Variants in DIAPH2 observed in about 807,000 individuals in gnomAD.
The protein encoded by DIAPH2 is diaphanous related formin 2.
In DIAPH2, 35 loss-of-function variants were observed where a neutral mutation model predicts 92.7. That is an observed-to-expected ratio of 0.38 (90% CI 0.29 to 0.50). The LOEUF (loss-of-function observed/expected upper bound fraction) is 0.50, where lower values mean the gene tolerates loss of function less well. Ranked by LOEUF, DIAPH2 falls within the 20% of genes least tolerant of loss-of-function variation. The probability of loss-of-function intolerance (pLI) is 0.94; values close to 1 mark genes in which losing one functional copy is unlikely to be tolerated. For synonymous variants in DIAPH2, 301 were observed against 280.4 expected (o/e 1.07, Z -0.73); for missense variants, 701 against 819.5 (o/e 0.86, Z 1.77).
chrX:97,348,582 G>C (rs1042344632), intron 24 of DIAPH2, among the ~76,000 whole-genome samples: 2 of 111,775 alleles, frequency 1.8e-5, no homozygotes, highest in Admixed American at 9.6e-5. Flanking sequence ...TTTTTATATA[G>C]CATAATATTA....
intron 17 of DIAPH2, 84 bp downstream of exon 17, chrX:96,965,291 A>G (rs903411475): frequency 6.5e-6 from 4 of 620,081 alleles, no homozygotes; most frequent in Non-Finnish European, 9.1e-6. Flanking sequence ...AGTAATGGGT[A>G]TATGTATACT....
chrX:96,726,760 G>A (rs1284963124), intron 1 of DIAPH2, among the ~76,000 whole-genome samples: 1 of 112,231 alleles, frequency 8.9e-6, no homozygotes, highest in African/African-American at 3.2e-5. Context: ...CTTAATGACT[G>A]TAAACCTTGA....
chrX:97,408,017 A>G (rs1279548291), intron 25 of DIAPH2, among the ~76,000 whole-genome samples: 3 of 111,851 alleles, frequency 2.7e-5, no homozygotes, highest in Non-Finnish European at 3.8e-5. Context: ...GAACCACATG[A>G]TGTTCAGAAA....
rs1177857093 is a variant in DIAPH2, at chrX:97,185,369, GTA to G, written c.2719+43585_2719+43586del. Among the ~76,000 whole-genome samples, 23 of 30,333 alleles carry G rather than the reference GTA, an allele frequency of 7.6e-4. 2 individuals are homozygous for G. Among genetic ancestry groups the G allele is most frequent in the Middle Eastern group, 0.02 (1 of 50 alleles). 26.3% of individuals were successfully genotyped at this position (30,333 alleles called of 115,157 possible). ...TATATATATGTGTGTATATATATAT[GTA>G]TATATATATGTATATATATATGTGT... is the stretch of plus-strand genomic sequence containing the variant. On this transcript the variant is annotated intron_variant, in intron 22 of 26. Transcript: ENST00000324765.
intron 17 of DIAPH2, among the ~76,000 whole-genome samples, chrX:97,008,415 T>C (rs1384531907): frequency 9.0e-6 from 1 of 111,481 alleles, no homozygotes; most frequent in African/African-American, 3.3e-5. Flanking sequence ...CCAGGTTTGG[T>C]CCCCGATGCC....
intron 17 of DIAPH2, among the ~76,000 whole-genome samples, chrX:97,046,070 C>T (rs1400411051): frequency 2.8e-5 from 3 of 107,411 alleles, no homozygotes; most frequent in African/African-American, 6.8e-5. Context: ...GTTAGCCAAG[C>T]GGTCTCGAAC....
At chrX:96,844,796 G>A (rs1018141338) in intron 4 of DIAPH2, among the ~76,000 whole-genome samples, 1 of 111,389 alleles carries the variant, frequency 9.0e-6, no homozygotes, top group Non-Finnish European at 1.9e-5. Flanking sequence ...GTTATTTCAC[G>A]TCAATACACT....
At chrX:96,729,763 A>G (rs904915993) in intron 1 of DIAPH2, among the ~76,000 whole-genome samples, 1 of 112,290 alleles carries the variant, frequency 8.9e-6, no homozygotes, top group Non-Finnish European at 1.9e-5. Context: ...GGTGGAATGA[A>G]TTTTGATTTG....
chrX:96,918,952 G>A (rs1295110761), intron 9 of DIAPH2, among the ~76,000 whole-genome samples: 1 of 111,754 alleles, frequency 8.9e-6, no homozygotes, highest in Non-Finnish European at 1.9e-5. Context: ...AGTGAAGTCG[G>A]TGGGCTTGTA....
chrX:97,159,519 C>G (rs942766508), intron 22 of DIAPH2, among the ~76,000 whole-genome samples: 1 of 111,527 alleles, frequency 9.0e-6, no homozygotes, highest in Admixed American at 9.6e-5. Context: ...TGAGCGATGG[C>G]TTGTAAAAGG....
At chrX:97,540,771 T>C (rs1395312393) in intron 26 of DIAPH2, among the ~76,000 whole-genome samples, 3 of 112,111 alleles carry the variant, frequency 2.7e-5, no homozygotes, top group African/African-American at 9.7e-5. Flanking sequence ...CAAATAATAA[T>C]GAGCTATAAA....
chrX:96,945,598 T>A lies in DIAPH2; in HGVS notation c.1509+7T>A. ...TGCAGAGTTTTCAAAGAAGGTAAGCTTATAAAATATTAGCCATAATCGTTA... is the reference window on the plus strand; with the variant it reads ...TGCAGAGTTTTCAAAGAAGGTAAGCATATAAAATATTAGCCATAATCGTTA... On this transcript the variant is annotated splice_region_variant and intron_variant, in intron 14 of 26. Transcript: ENST00000324765. The A allele has an allele frequency of 9.0e-7, 1 of 1,113,710 alleles. No homozygotes were observed. Among genetic ancestry groups the A allele is most frequent in the Non-Finnish European group, 1.2e-6 (1 of 841,553 alleles). 91.8% of individuals were successfully genotyped at this position (1,113,710 alleles called of 1,213,427 possible).
rs1362273924 is a variant in DIAPH2 at position 97,072,942 on chromosome X, T to A, written c.2052T>A (p.Val684=). 2 of 1,183,260 alleles carry A rather than the reference T, an allele frequency of 1.7e-6. No individual in the cohort carries two copies. Among genetic ancestry groups the A allele is most frequent in the Non-Finnish European group, 1.1e-6 (1 of 881,465 alleles). ...LALNFATQIK[V]QKNAEALEEK... ...ATGAATCAACATTTTTTCTTTCAGTTCAAAAGAACGCAGAAGCATTAGAAG... is the reference window on the plus strand; with the variant it reads ...ATGAATCAACATTTTTTCTTTCAGTACAAAAGAACGCAGAAGCATTAGAAG... Residue 684 remains valine (V), a splice_region_variant and synonymous_variant, in exon 18 of 27, where the codon GTT becomes GTA. Coordinates refer to ENST00000324765, the MANE Select transcript of DIAPH2 (RefSeq NM_006729.5).
chrX:96,871,851 C>T (rs143980118), intron 4 of DIAPH2, among the ~76,000 whole-genome samples: 1 of 111,962 alleles, frequency 8.9e-6, no homozygotes, highest in Non-Finnish European at 1.9e-5. Context: ...TGTTCTTTAA[C>T]GGGTGAGTGG....
intron 21 of DIAPH2, among the ~76,000 whole-genome samples, chrX:97,129,112 T>TTTTCTTTTCTTTTC (rs1555988060): frequency 5.2e-5 from 4 of 76,911 alleles, no homozygotes; most frequent in Non-Finnish European, 7.0e-5. Context: ...TTTTCTTTTC[T>TTTTCTTTTCTTTTC]TTTCTTTTCT....
At chrX:96,880,475 T>C (rs1401896019) in intron 4 of DIAPH2, among the ~76,000 whole-genome samples, 1 of 111,804 alleles carries the variant, frequency 8.9e-6, no homozygotes. Context: ...TGTGAAATCA[T>C]AGGGAACTCA....
intron 4 of DIAPH2, among the ~76,000 whole-genome samples, chrX:96,840,116 A>C (rs2064925651): frequency 8.9e-6 from 1 of 112,175 alleles, no homozygotes; most frequent in Non-Finnish European, 1.9e-5. Context: ...CTTTTTATTA[A>C]CTCTCCATAA....
intron 8 of DIAPH2, among the ~76,000 whole-genome samples, chrX:96,917,710 A>G (rs1018270483): frequency 1.5e-4 from 17 of 111,238 alleles, no homozygotes; most frequent in African/African-American, 5.5e-4. Context: ...GGTCAGGTTA[A>G]TAAGTTTCTT....
chrX:97,548,220 C>T (rs1313280334), intron 26 of DIAPH2, among the ~76,000 whole-genome samples: 2 of 112,182 alleles, frequency 1.8e-5, no homozygotes, highest in African/African-American at 6.5e-5. Flanking sequence ...CTCTCTCTTT[C>T]TCTCTCTTGT....
Sources: gnomAD v4.1 joint callset for allele counts (sites outside exome capture counted in the v4.1 genomes callset) on GRCh38, gnomAD v4.1.1 for gene constraint, MANE v1.5 for transcripts, NCBI Gene and HGNC (gene_info 2026-07-23, HGNC 2026-07-21) for gene names.